BCAR3: variants seen among roughly 807,000 people sequenced by gnomAD.
The protein encoded by BCAR3 is breast cancer anti-estrogen resistance protein 3.
In BCAR3, 37 loss-of-function variants were observed where a neutral mutation model predicts 80.1. The ratio of observed to expected loss-of-function variants is 0.46; its 90% CI spans 0.36 to 0.61. BCAR3 has a LOEUF of 0.61. BCAR3 is among the 20% of genes least tolerant of loss of function. The pLI, the probability that BCAR3 is intolerant of heterozygous loss-of-function variation, is 0.00. For synonymous variants in BCAR3, 389 were observed against 418.9 expected (o/e 0.93, Z 0.87); for missense variants, 978 against 1,068.2 (o/e 0.92, Z 1.18).
rs762330740 is a variant in BCAR3 at position 93,567,817 on chromosome 1, C to T, written c.2009G>A (p.Arg670Gln). The change falls in exon 10 of 12, where the codon CGG becomes CAG. Residue 670 changes from arginine (R) to glutamine (Q), a missense_variant. Physicochemically the swap from Arg to Gln is conservative, Grantham distance 43. Transcript: ENST00000260502. Reference sequence around the variant, plus strand: ...AATGGCAGTTTGGGTGTACTGGTGCCGCAGAGCAGTCCACGTCTTTTCTAA... The same window carrying T: ...AATGGCAGTTTGGGTGTACTGGTGCTGCAGAGCAGTCCACGTCTTTTCTAA... ...TRLEKTWTAL[R>Q]HQYTQTAILY... is the part of the protein sequence containing the mutation. 14 of 1,614,038 alleles carry T rather than the reference C, an allele frequency of 8.7e-6. No individual in the cohort carries two copies. The highest frequency in any genetic ancestry group is 6.6e-5 in the South Asian group (6 of 91,090).
At chr1:93,719,334 GTTTTTTTTTTT>G (rs1217381018) in intron 2 of BCAR3, among the ~76,000 whole-genome samples, 7 of 73,206 alleles carry the variant, frequency 9.6e-5, no homozygotes, top group African/African-American at 2.2e-4. Context: ...AAACTTTCTT[GTTTTTTTTTTT>G]TTTTTTTTTT....
At chr1:93,759,452 C>G (rs1223154468) in intron 2 of BCAR3, among the ~76,000 whole-genome samples, 1 of 152,130 alleles carries the variant, frequency 6.6e-6, no homozygotes, top group African/African-American at 2.4e-5. Flanking sequence ...AGAGGTGGCA[C>G]CTGGCTGTGT....
At chr1:93,780,141 T>C (rs11799613) in intron 2 of BCAR3, among the ~76,000 whole-genome samples, 4,676 of 152,274 alleles carry the variant, frequency 0.031, 238 homozygotes, top group African/African-American at 0.11. Context: ...CTCTGTGGCC[T>C]TCCTTTGCCA....
intron 6 of BCAR3, among the ~76,000 whole-genome samples, chr1:93,583,680 T>C (rs3950119): frequency 0.21 from 32,509 of 152,018 alleles, 3,969 homozygotes; most frequent in African/African-American, 0.31. Context: ...TCATGAAGAC[T>C]ACCAGTTTTT....
intron 2 of BCAR3, among the ~76,000 whole-genome samples, chr1:93,839,987 T>C (rs1298873737): frequency 6.6e-6 from 1 of 152,140 alleles, no homozygotes; most frequent in Non-Finnish European, 1.5e-5. Context: ...TCCTGGTTCA[T>C]GGTCAGCATT....
At chr1:93,599,564 T>C (rs925909325) in intron 3 of BCAR3, 4 of 127,382 alleles carry the variant, frequency 3.1e-5, no homozygotes, top group African/African-American at 1.9e-4. Context: ...TATAAAAAGA[T>C]ACTTTTAGAG....
intron 3 of BCAR3, among the ~76,000 whole-genome samples, chr1:93,697,001 C>G (rs1649434246): frequency 6.6e-6 from 1 of 152,178 alleles, no homozygotes; most frequent in Non-Finnish European, 1.5e-5. Context: ...CTGGCGTCTC[C>G]GTGCACCCAC....
At chr1:93,634,940 A>G (rs1047598854) in intron 3 of BCAR3, among the ~76,000 whole-genome samples, 3 of 152,180 alleles carry the variant, frequency 2.0e-5, no homozygotes, top group African/African-American at 7.2e-5. Flanking sequence ...GTATATCAAC[A>G]GTCCACTCCT....
At chr1:93,745,468 T>C (rs1651321861) in intron 2 of BCAR3, among the ~76,000 whole-genome samples, 1 of 152,242 alleles carries the variant, frequency 6.6e-6, no homozygotes. Flanking sequence ...AAATGTTTTA[T>C]GCAAATTAAA....
chr1:93,670,041 T>C (rs1387014558), intron 2 of BCAR3, among the ~76,000 whole-genome samples: 1 of 152,086 alleles, frequency 6.6e-6, no homozygotes, highest in Non-Finnish European at 1.5e-5. Context: ...ACTGAAGAAC[T>C]CACTCATGTA....
chr1:93,841,907 AG>A (rs1274158162), intron 2 of BCAR3, among the ~76,000 whole-genome samples: 1 of 152,034 alleles, frequency 6.6e-6, no homozygotes, highest in East Asian at 1.9e-4. Flanking sequence ...TTATTTTCCC[AG>A]CCTTGTCCTA....
chr1:93,837,258 C>G (rs936551267), intron 2 of BCAR3, among the ~76,000 whole-genome samples: 6 of 152,126 alleles, frequency 3.9e-5, no homozygotes, highest in Non-Finnish European at 8.8e-5. Context: ...ATAAATTACC[C>G]TGTCTGAGGT....
chr1:93,636,123 T>C (rs935285080), intron 3 of BCAR3, among the ~76,000 whole-genome samples: 9 of 152,206 alleles, frequency 5.9e-5, no homozygotes, highest in Non-Finnish European at 1.0e-4. Flanking sequence ...TTGGATGGCC[T>C]GTAACGTCTA....
At chr1:93,755,544 T>C (rs1393647848) in intron 2 of BCAR3, among the ~76,000 whole-genome samples, 2 of 152,240 alleles carry the variant, frequency 1.3e-5, no homozygotes, top group Non-Finnish European at 2.9e-5. Context: ...CAGTATTCAG[T>C]ACAGTAACAT....
chr1:93,655,730 C>T (rs567084324), intron 2 of BCAR3, among the ~76,000 whole-genome samples: 2 of 152,332 alleles, frequency 1.3e-5, no homozygotes, highest in East Asian at 3.9e-4. Context: ...AATAAGCTCT[C>T]CTTCCCTCTC....
At chr1:93,657,510 T>C (rs1446420240) in intron 2 of BCAR3, among the ~76,000 whole-genome samples, 1 of 152,128 alleles carries the variant, frequency 6.6e-6, no homozygotes, top group Admixed American at 6.5e-5. Context: ...TGAGTAGGTA[T>C]GAACAAATCC....
intron 2 of BCAR3, among the ~76,000 whole-genome samples, chr1:93,826,291 T>G (rs996135201): frequency 1.3e-5 from 2 of 152,182 alleles, no homozygotes; most frequent in Non-Finnish European, 2.9e-5. Context: ...TCTTTATTCA[T>G]GCTGTCTCTT....
At chr1:93,791,002 C>T (rs1653134058) in intron 2 of BCAR3, among the ~76,000 whole-genome samples, 1 of 80,252 alleles carries the variant, frequency 1.2e-5, no homozygotes, top group African/African-American at 7.9e-5. Context: ...TTTATGGCTG[C>T]ATAGTATTCC....
chr1:93,568,906 T>G (rs1486836890), intron 9 of BCAR3, among the ~76,000 whole-genome samples: 1 of 152,168 alleles, frequency 6.6e-6, no homozygotes, highest in African/African-American at 2.4e-5. Flanking sequence ...CACTGTAGCC[T>G]CAACCTCCCA....
Sources: gnomAD v4.1 joint callset for allele counts (sites outside exome capture counted in the v4.1 genomes callset) on GRCh38, gnomAD v4.1.1 for gene constraint, MANE v1.5 for transcripts, NCBI Gene and HGNC (gene_info 2026-07-23, HGNC 2026-07-21) for gene names.